The following KCNQ1OT1 variants were observed in gnomAD, a reference collection of about 807,000 sequenced individuals.
The protein encoded by KCNQ1OT1 is KCNQ1 antisense RNA 2 (non-protein coding).
At position 2,659,820 on chromosome 11, in the gene KCNQ1OT1, C is replaced by T. The variant is rs1275154326; in HGVS notation, n.40175G>A. 2.5e-6 allele frequency: 1 copy of T among 398,308 alleles called. No homozygotes were observed. Among genetic ancestry groups the T allele is most frequent in the African/African-American group, 2.1e-5 (1 of 48,690 alleles). The allele number at this position is 398,308 out of a possible 1,614,324, so 24.7% of individuals were successfully genotyped here. A position where few individuals can be genotyped will look rare whatever the true frequency, so the allele number is the denominator to read the frequency against. ...GGAATTTCATTGTGATTCTAATTTG[C>T]ATTTCCATATTTATGTTAATTATGT... On this transcript the variant is annotated non_coding_transcript_exon_variant, in exon 1 of 1. Coordinates refer to ENST00000597346, the Ensembl canonical transcript of KCNQ1OT1. The surrounding 1 kb of genome is among the most constrained non-coding windows in gnomAD (Gnocchi z 4.3).
chr11:2,623,680 C>T lies in KCNQ1OT1; in HGVS notation n.76315G>A. 1.0e-5 allele frequency: 4 copies of T among 398,520 alleles called. No homozygotes were observed. The highest frequency in any genetic ancestry group is 1.3e-5 in the Non-Finnish European group (3 of 226,032). The allele number at this position is 398,520 out of a possible 1,614,324, so 24.7% of individuals were successfully genotyped here. A position where few individuals can be genotyped will look rare whatever the true frequency, so the allele number is the denominator to read the frequency against. ...ATCTGTCTACTCACCTATGGAAGGACATCTCGGTTGCTTCCAATTTCAACA... is the reference window on the plus strand; with the variant it reads ...ATCTGTCTACTCACCTATGGAAGGATATCTCGGTTGCTTCCAATTTCAACA... On this transcript the variant is annotated non_coding_transcript_exon_variant, in exon 1 of 1. Coordinates refer to ENST00000597346, the Ensembl canonical transcript of KCNQ1OT1. This position sits in a 1 kb window ranked among gnomAD's most constrained non-coding sequence, Gnocchi z 5.2.
rs1458121657 is a variant in KCNQ1OT1, at chr11:2,608,656, GT to G, written n.91338del. The G allele has an allele frequency of 2.5e-5, 10 of 398,386 alleles. No homozygotes were observed. The highest frequency in any genetic ancestry group is 4.0e-5 in the Non-Finnish European group (9 of 226,060). 24.7% of individuals were successfully genotyped at this position (398,386 alleles called of 1,614,324 possible). A position where few individuals can be genotyped will look rare whatever the true frequency, so the allele number is the denominator to read the frequency against. On this transcript the variant is annotated non_coding_transcript_exon_variant, in exon 1 of 1. Coordinates refer to ENST00000597346, the Ensembl canonical transcript of KCNQ1OT1. The surrounding 1 kb of genome is among the most constrained non-coding windows in gnomAD (Gnocchi z 4.6). ...TCAAAAAATATTTTGTAGAGATAGG[GT>G]CTTGCTTTGTTGTGCATGCTATTCT...
At chr11:2,616,938 G>C (rs1196370188) in exon 1 of KCNQ1OT1, 1 of 395,466 alleles carries the variant, frequency 2.5e-6, no homozygotes, top group African/African-American at 2.1e-5. Flanking sequence ...TTGGGCTTCT[G>C]TCTGGCTGTA....
chr11:2,667,638 T>C (rs1273636701), exon 1 of KCNQ1OT1: 5 of 398,536 alleles, frequency 1.3e-5, no homozygotes, highest in African/African-American at 2.1e-5. Context: ...GCTCTGCTGA[T>C]ACCTGAAAGG....
At chr11:2,693,370 C>G in exon 1 of KCNQ1OT1, 1 of 398,766 alleles carries the variant, frequency 2.5e-6, no homozygotes, top group Non-Finnish European at 4.4e-6. Context: ...CCGAGTCTGG[C>G]CAAGCAGCAG....
At chr11:2,688,444 T>G (rs181257946) in exon 1 of KCNQ1OT1, 104 of 398,742 alleles carry the variant, frequency 2.6e-4, no homozygotes, top group African/African-American at 2.0e-3. Context: ...GCCTGTGCCA[T>G]CACTATTTCA....
chr11:2,632,049 A>C, exon 1 of KCNQ1OT1: 1 of 396,116 alleles, frequency 2.5e-6, no homozygotes, highest in Non-Finnish European at 4.4e-6. Flanking sequence ...CAGGCATAGC[A>C]GCGTGTGCCT....
At position 2,674,824 on chromosome 11, in the gene KCNQ1OT1, C is replaced by T; in HGVS notation, n.25171G>A. 2.8e-6 allele frequency: 1 copy of T among 354,882 alleles called. No individual in the cohort carries two copies. The highest frequency in any genetic ancestry group is 4.7e-6 in the Non-Finnish European group (1 of 214,996). The allele number at this position is 354,882 out of a possible 1,614,324, so 22.0% of individuals were successfully genotyped here. Reference sequence around the variant, plus strand: ...TTGGAAAGGCTTGTCACCCTAATAGCTGTTTTTTAAAAAAAAAAAAAAAAA... The same window carrying T: ...TTGGAAAGGCTTGTCACCCTAATAGTTGTTTTTTAAAAAAAAAAAAAAAAA... On this transcript the variant is annotated non_coding_transcript_exon_variant, in exon 1 of 1. Coordinates refer to ENST00000597346, the Ensembl canonical transcript of KCNQ1OT1. The surrounding 1 kb of genome is among the most constrained non-coding windows in gnomAD (Gnocchi z 5.9).
rs1305753097 is a variant in KCNQ1OT1, at chr11:2,672,457, G to A, written n.27538C>T. The A allele has an allele frequency of 1.8e-5, 7 of 398,516 alleles. No individual in the cohort carries two copies. Among genetic ancestry groups the A allele is most frequent in the Non-Finnish European group, 3.1e-5 (7 of 226,114 alleles). The allele number at this position is 398,516 out of a possible 1,614,324, so 24.7% of individuals were successfully genotyped here. A position where few individuals can be genotyped will look rare whatever the true frequency, so the allele number is the denominator to read the frequency against. ...AGGGGCTCTGAAGAGCTTCAATTGA[G>A]ATATCCTTCCCTAAGGTCCCCACAT... On this transcript the variant is annotated non_coding_transcript_exon_variant, in exon 1 of 1. Coordinates refer to ENST00000597346, the Ensembl canonical transcript of KCNQ1OT1.
In KCNQ1OT1 at chr11:2,679,018, C is replaced by CT; in HGVS notation, n.20976dup. The stretch of plus-strand genomic sequence containing the variant: ...AAAAACCCGCAATAAGAAACATAAT[C>CT]TAAAACTTGTAGCCCAGCCCCTCCT... On this transcript the variant is annotated non_coding_transcript_exon_variant, in exon 1 of 1. Coordinates refer to ENST00000597346, the Ensembl canonical transcript of KCNQ1OT1. This position sits in a 1 kb window ranked among gnomAD's most constrained non-coding sequence, Gnocchi z 4.8. 2.5e-6 allele frequency: 1 copy of CT among 398,634 alleles called. No homozygotes were observed. The highest frequency in any genetic ancestry group is 3.6e-5 in the East Asian group (1 of 28,088). 24.7% of individuals were successfully genotyped at this position (398,634 alleles called of 1,614,324 possible). A position where few individuals can be genotyped will look rare whatever the true frequency, so the allele number is the denominator to read the frequency against.
At position 2,671,233 on chromosome 11, in the gene KCNQ1OT1, G is replaced by T; in HGVS notation, n.28762C>A. Reference sequence around the variant, plus strand: ...GAGACAGAGGTAGACAGGAGTCCAGGTCTGACCTCAAAATCCGATGTCCCC... The same window carrying T: ...GAGACAGAGGTAGACAGGAGTCCAGTTCTGACCTCAAAATCCGATGTCCCC... On this transcript the variant is annotated non_coding_transcript_exon_variant, in exon 1 of 1. Coordinates refer to ENST00000597346, the Ensembl canonical transcript of KCNQ1OT1. The surrounding 1 kb of genome is among the most constrained non-coding windows in gnomAD (Gnocchi z 4.7). 1 of 398,542 alleles carries T rather than the reference G, an allele frequency of 2.5e-6. No individual in the cohort carries two copies. Among genetic ancestry groups the T allele is most frequent in the Non-Finnish European group, 4.4e-6 (1 of 226,074 alleles). The allele number at this position is 398,542 out of a possible 1,614,324, so 24.7% of individuals were successfully genotyped here.
chr11:2,650,795 C>T, exon 1 of KCNQ1OT1: 1 of 398,636 alleles, frequency 2.5e-6, no homozygotes. Context: ...ATACTGCTAA[C>T]AGCATGGGTC....
chr11:2,643,106 A>G, exon 1 of KCNQ1OT1: 1 of 398,190 alleles, frequency 2.5e-6, no homozygotes, highest in Non-Finnish European at 4.4e-6. Context: ...AGAGTGTTCC[A>G]TGTACTGATG....
rs1850437527 is a variant in KCNQ1OT1 at position 2,683,683 on chromosome 11, A to G, written n.16312T>C. 1.0e-5 allele frequency: 4 copies of G among 398,482 alleles called. No homozygotes were observed. The highest frequency in any genetic ancestry group is 1.8e-5 in the Non-Finnish European group (4 of 226,070). 24.7% of individuals were successfully genotyped at this position (398,482 alleles called of 1,614,324 possible). On this transcript the variant is annotated non_coding_transcript_exon_variant, in exon 1 of 1. Coordinates refer to ENST00000597346, the Ensembl canonical transcript of KCNQ1OT1. This position sits in a 1 kb window ranked among gnomAD's most constrained non-coding sequence, Gnocchi z 4.7. ...TTTCCCATCTCAATACAACTGTGAA[A>G]AGCCTAGCCTGGGACTCAGGCCTTT...
chr11:2,659,101 T>A lies in KCNQ1OT1; in HGVS notation n.40894A>T, dbSNP rs1484118515. On this transcript the variant is annotated non_coding_transcript_exon_variant, in exon 1 of 1. Transcript: ENST00000597346. The surrounding 1 kb of genome is among the most constrained non-coding windows in gnomAD (Gnocchi z 4.3). ...CTTTTCATCGTAGGGTCCTCCAACA[T>A]CCGGGTTAATTTTTTAAATTTGCAT... 9 of 398,508 alleles carry A rather than the reference T, an allele frequency of 2.3e-5. No homozygotes were observed. Among genetic ancestry groups the A allele is most frequent in the Non-Finnish European group, 4.0e-5 (9 of 226,062 alleles). 24.7% of individuals were successfully genotyped at this position (398,508 alleles called of 1,614,324 possible). A position where few individuals can be genotyped will look rare whatever the true frequency, so the allele number is the denominator to read the frequency against.
rs1849092422 is a variant in KCNQ1OT1, at chr11:2,617,781, T to G, written n.82214A>C. ...ATTTTGATTTGCATTTCCCTGACGA[T>G]TAGTGATGTTAAATGTCTTTTCATA... is the stretch of plus-strand genomic sequence containing the variant. On this transcript the variant is annotated non_coding_transcript_exon_variant, in exon 1 of 1. Coordinates refer to ENST00000597346, the Ensembl canonical transcript of KCNQ1OT1. This position sits in a 1 kb window ranked among gnomAD's most constrained non-coding sequence, Gnocchi z 4.6. 2.5e-6 allele frequency: 1 copy of G among 398,554 alleles called. No individual in the cohort carries two copies. Among genetic ancestry groups the G allele is most frequent in the Non-Finnish European group, 4.4e-6 (1 of 226,012 alleles). 24.7% of individuals were successfully genotyped at this position (398,554 alleles called of 1,614,324 possible).
chr11:2,635,680 C>G (rs1849453211), exon 1 of KCNQ1OT1: 1 of 152,074 alleles, frequency 6.6e-6, no homozygotes, highest in African/African-American at 2.4e-5. Context: ...TTTTTGGTTC[C>G]ATATGAACTT....
At chr11:2,633,718 G>C (rs1370868165) in exon 1 of KCNQ1OT1, 3 of 398,204 alleles carry the variant, frequency 7.5e-6, no homozygotes, top group Non-Finnish European at 1.3e-5. Flanking sequence ...TGTTCCATTG[G>C]TCTATATGTC....
exon 1 of KCNQ1OT1, chr11:2,640,796 T>C: frequency 2.5e-6 from 1 of 398,654 alleles, no homozygotes. Context: ...TAGCTGTGTA[T>C]TTTTACCCAC....
Sources: gnomAD v4.1 joint callset for allele counts on GRCh38, gnomAD v4.1.1 for gene constraint, Gnocchi (gnomAD v3.1) non-coding constraint, MANE v1.5 for transcripts, NCBI Gene and HGNC (gene_info 2026-07-23, HGNC 2026-07-21) for gene names.